Variants in ACOT11 observed in about 807,000 individuals in gnomAD.
ACOT11 encodes acyl-coenzyme A thioesterase 11.
Under a neutral mutation model 77.5 loss-of-function variants are expected in ACOT11, and 69 were observed. That is an observed-to-expected ratio of 0.89 (90% CI 0.73 to 1.09). ACOT11 has a LOEUF of 1.09. ACOT11 is among the 50% of genes least tolerant of loss of function. The pLI is 0.00. For missense variants in ACOT11, 766 were observed against 813.7 expected, an observed-to-expected ratio of 0.94 and a Z score of 0.71; for synonymous variants, 279 against 313.0, an observed-to-expected ratio of 0.89 and a Z score of 1.15.
intron 1 of ACOT11, among the ~76,000 whole-genome samples, chr1:54,573,594 A>G (rs1653995782): frequency 6.6e-6 from 1 of 152,230 alleles, no homozygotes; most frequent in Non-Finnish European, 1.5e-5. Flanking sequence ...GTATCCAGGC[A>G]TGGTGGCACA....
chr1:54,586,403 T>C (rs1365827940), intron 3 of ACOT11, among the ~76,000 whole-genome samples: 1 of 151,976 alleles, frequency 6.6e-6, no homozygotes, highest in Non-Finnish European at 1.5e-5. Context: ...GAGGAGCTCG[T>C]TACCTCATTA....
chr1:54,634,659 G>A (rs1644320740), intron 16 of ACOT11: 2 of 700,340 alleles, frequency 2.9e-6, no homozygotes, highest in African/African-American at 3.5e-5. Context: ...TAATAATTTG[G>A]GGTAGAGGTT....
chr1:54,595,446 C>T (rs1020659450), intron 6 of ACOT11, among the ~76,000 whole-genome samples: 9 of 152,040 alleles, frequency 5.9e-5, no homozygotes, highest in African/African-American at 1.2e-4. Flanking sequence ...CTCACACACA[C>T]GTATATATAT....
At position 54,607,889 on chromosome 1, in the gene ACOT11, CCA is replaced by C; in HGVS notation, c.1503-51_1503-50del. On this transcript the variant is annotated intron_variant, in intron 14 of 15. Transcript: ENST00000343744. The surrounding 1 kb of genome is among the most constrained non-coding windows in gnomAD (Gnocchi z 4.5). ...GGCCTTGGTTGGGCAGAACAGGCCCCCACTTTCTTCTGTGGCTGACCCCTGTC... is the reference window on the plus strand; with the variant it reads ...GGCCTTGGTTGGGCAGAACAGGCCCCCTTTCTTCTGTGGCTGACCCCTGTC... The C allele has an allele frequency of 6.2e-7, 1 of 1,608,824 alleles. No individual in the cohort carries two copies. The highest frequency in any genetic ancestry group is 8.5e-7 in the Non-Finnish European group (1 of 1,176,896).
chr1:54,635,411 G>A (rs1003740806), exon 17 of ACOT11: 1 of 293,362 alleles, frequency 3.4e-6, no homozygotes, highest in Non-Finnish European at 6.4e-6. Flanking sequence ...AAATAATATG[G>A]CCCGCTCTAG....
chr1:54,563,361 G>A (rs936701541), intron 1 of ACOT11, among the ~76,000 whole-genome samples: 1 of 152,162 alleles, frequency 6.6e-6, no homozygotes, highest in African/African-American at 2.4e-5. Flanking sequence ...CAGCTCCATC[G>A]CTCACCGGCA....
chr1:54,609,990 A>G lies in ACOT11; in HGVS notation c.*878A>G. On this transcript the variant is annotated 3_prime_UTR_variant, in exon 16 of 16. Coordinates refer to ENST00000343744, the MANE Select transcript of ACOT11 (RefSeq NM_147161.4). ...AGTGTTTAGGATTTGGGTTATCATA[A>G]GGTGTTAAGAGTCCCTTGTTAAAGG... The G allele has an allele frequency of 6.4e-7, 1 of 1,551,398 alleles. No homozygotes were observed. Among genetic ancestry groups the G allele is most frequent in the East Asian group, 2.3e-5 (1 of 44,316 alleles).
At chr1:54,563,334 T>G (rs1419102292) in intron 1 of ACOT11, among the ~76,000 whole-genome samples, 1 of 152,172 alleles carries the variant, frequency 6.6e-6, no homozygotes, top group East Asian at 1.9e-4. Context: ...GCTTTGGTAT[T>G]GAGAAAAGCG....
chr1:54,602,626 G>A lies in ACOT11; in HGVS notation c.1030-43G>A, dbSNP rs552136350. The A allele has an allele frequency of 1.8e-5, 27 of 1,475,002 alleles. No homozygotes were observed. The African/African-American group carries it at 3.6e-4, about 20-fold the overall frequency. The allele number at this position is 1,475,002 out of a possible 1,614,324, so 91.4% of individuals were successfully genotyped here. A position where few individuals can be genotyped will look rare whatever the true frequency, so the allele number is the denominator to read the frequency against. On this transcript the variant is annotated intron_variant, in intron 9 of 15. Coordinates refer to ENST00000343744, the MANE Select transcript of ACOT11 (RefSeq NM_147161.4). ...TGGGGGATGGAGAGGGGGCAGGACG[G>A]AGGGTGGGGGTAGCTGGTTGCCTAT...
chr1:54,571,573 C>T (rs911739105), intron 1 of ACOT11, among the ~76,000 whole-genome samples: 1 of 152,198 alleles, frequency 6.6e-6, no homozygotes, highest in Non-Finnish European at 1.5e-5. Context: ...GAAGCAGCAC[C>T]ACAGGTTCCT....
chr1:54,557,137 T>C (rs528055613), intron 1 of ACOT11, among the ~76,000 whole-genome samples: 3 of 151,938 alleles, frequency 2.0e-5, no homozygotes, highest in Non-Finnish European at 4.4e-5. Flanking sequence ...CTCACGCTTG[T>C]AATCCCAGCA....
At position 54,609,808 on chromosome 1, in the gene ACOT11, G is replaced by A. The variant is rs375651280; in HGVS notation, c.*696G>A. The A allele has an allele frequency of 1.5e-5, 25 of 1,614,040 alleles. No individual in the cohort carries two copies. Among genetic ancestry groups the A allele is most frequent in the South Asian group, 1.5e-4 (14 of 91,084 alleles). On this transcript the variant is annotated 3_prime_UTR_variant, in exon 16 of 16. Transcript: ENST00000343744. ...TTTGCAAATGGATGCCCCAGTGTCC[G>A]GGATGTGTGGCCAGCTGCTGCAGGC...
At chr1:54,630,232 C>T (rs1644292310) in intron 15 of ACOT11, among the ~76,000 whole-genome samples, 1 of 83,316 alleles carries the variant, frequency 1.2e-5, no homozygotes, top group Admixed American at 1.3e-4. Flanking sequence ...AAAAACAAGC[C>T]AGGTGTGGTG....
At chr1:54,574,383 G>A (rs922367735) in intron 1 of ACOT11, among the ~76,000 whole-genome samples, 6 of 152,200 alleles carry the variant, frequency 3.9e-5, no homozygotes, top group Non-Finnish European at 7.3e-5. Context: ...TTCAGCGGCT[G>A]TCTCCCTATC....
At chr1:54,601,501 G>A in intron 9 of ACOT11, 88 bp downstream of exon 9, 1 of 1,538,130 alleles carries the variant, frequency 6.5e-7, no homozygotes, top group East Asian at 2.3e-5. Context: ...GCCCCCTACA[G>A]ACCTAGAGGC....
intron 15 of ACOT11, among the ~76,000 whole-genome samples, chr1:54,616,397 T>G (rs1443800822): frequency 6.6e-6 from 1 of 151,944 alleles, no homozygotes; most frequent in African/African-American, 2.4e-5. Context: ...GGAGTCTTGC[T>G]CTATCGCCCA....
intron 1 of ACOT11, among the ~76,000 whole-genome samples, chr1:54,561,827 GAGGGGCTCCTCACTTCCCA>G (rs1653506407): frequency 8.7e-6 from 1 of 115,592 alleles, no homozygotes; most frequent in Admixed American, 7.6e-5. Flanking sequence ...TGGCCGGGCA[GAGGGGCTCCTCACTTCCCA>G]GTAGGGGCGG....
chr1:54,613,675 G>A (rs1215605807), downstream of ACOT11, among the ~76,000 whole-genome samples: 1 of 152,038 alleles, frequency 6.6e-6, no homozygotes, highest in Non-Finnish European at 1.5e-5. Flanking sequence ...AACTTTAATA[G>A]GCAAATTATG....
intron 15 of ACOT11, among the ~76,000 whole-genome samples, chr1:54,630,545 C>T (rs977467835): frequency 6.6e-6 from 1 of 152,226 alleles, no homozygotes; most frequent in African/African-American, 2.4e-5. Context: ...TTCGGCACAT[C>T]CCTTCGTTTC....
Sources: gnomAD v4.1 joint callset for allele counts (sites outside exome capture counted in the v4.1 genomes callset) on GRCh38, gnomAD v4.1.1 for gene constraint, Gnocchi (gnomAD v3.1) non-coding constraint, MANE v1.5 for transcripts, NCBI Gene and HGNC (gene_info 2026-07-23, HGNC 2026-07-21) for gene names.